The following CNTN4 variants were observed in gnomAD, a reference collection of about 807,000 sequenced individuals.
CNTN4 encodes the protein contactin-4.
In CNTN4, 77 loss-of-function variants were observed where a neutral mutation model predicts 122.5. The ratio of observed to expected loss-of-function variants is 0.63; its 90% CI spans 0.52 to 0.76. The LOEUF is 0.76. Among genes scored for constraint, CNTN4 ranks in the 30% least tolerant of loss-of-function variants. The pLI is 0.00. For missense variants in CNTN4, 1,256 were observed against 1,259.1 expected (o/e 1.00, Z 0.04); for synonymous variants, 512 against 447.0 (o/e 1.15, Z -1.83).
intron 4 of CNTN4, among the ~76,000 whole-genome samples, chr3:2,684,881 G>C (rs913707527): frequency 1.3e-5 from 2 of 152,274 alleles, no homozygotes; most frequent in East Asian, 3.9e-4. Flanking sequence ...AGAAGATTTA[G>C]GGGGAGACAA....
At chr3:2,397,803 G>T (rs2046694837) in intron 3 of CNTN4, among the ~76,000 whole-genome samples, 1 of 152,148 alleles carries the variant, frequency 6.6e-6, no homozygotes, top group Non-Finnish European at 1.5e-5. Context: ...CTAAATCTCT[G>T]CAAACTTTCA....
At chr3:3,055,018 C>G (rs1701657176) in intron 24 of CNTN4, among the ~76,000 whole-genome samples, 1 of 152,156 alleles carries the variant, frequency 6.6e-6, no homozygotes, top group Non-Finnish European at 1.5e-5. Context: ...ATCCTCACCA[C>G]CATCCTGACT....
At chr3:2,143,611 T>G (rs1187448782) in intron 2 of CNTN4, among the ~76,000 whole-genome samples, 1 of 152,236 alleles carries the variant, frequency 6.6e-6, no homozygotes, top group African/African-American at 2.4e-5. Flanking sequence ...TTCTACTAAT[T>G]TATCAATGAT....
intron 2 of CNTN4, among the ~76,000 whole-genome samples, chr3:2,281,087 A>G (rs1022255065): frequency 2.0e-5 from 3 of 152,218 alleles, no homozygotes; most frequent in Non-Finnish European, 4.4e-5. Flanking sequence ...GCAAAGTTAC[A>G]CAAGTCATCC....
chr3:2,612,107 TAC>T (rs58025362), intron 4 of CNTN4, among the ~76,000 whole-genome samples: 41,138 of 149,834 alleles, frequency 0.27, 6,254 homozygotes, highest in East Asian at 0.74. Flanking sequence ...ATACATATAA[TAC>T]ACACACACAC....
At chr3:2,636,621 A>C (rs750557112) in intron 4 of CNTN4, among the ~76,000 whole-genome samples, 4 of 152,184 alleles carry the variant, frequency 2.6e-5, no homozygotes, top group Non-Finnish European at 4.4e-5. Flanking sequence ...TTACTTTATA[A>C]CTGTATCCCC....
intron 3 of CNTN4, among the ~76,000 whole-genome samples, chr3:2,429,584 G>A (rs1361328503): frequency 6.6e-6 from 1 of 152,186 alleles, no homozygotes; most frequent in Non-Finnish European, 1.5e-5. Flanking sequence ...CTCCGTGCTG[G>A]GAGAACCACT....
At chr3:2,435,021 T>C (rs1385524905) in intron 3 of CNTN4, among the ~76,000 whole-genome samples, 5 of 152,182 alleles carry the variant, frequency 3.3e-5, no homozygotes, top group Non-Finnish European at 7.4e-5. Flanking sequence ...CCATGAAATC[T>C]ATTTCTGTGT....
intron 3 of CNTN4, among the ~76,000 whole-genome samples, chr3:2,432,835 G>T (rs1414897954): frequency 2.9e-5 from 4 of 138,624 alleles, no homozygotes; most frequent in Non-Finnish European, 6.1e-5. Flanking sequence ...TTTTGATACG[G>T]TCTCACTCTG....
intron 2 of CNTN4, among the ~76,000 whole-genome samples, chr3:2,114,462 AAAAT>A (rs1360251090): frequency 1.3e-5 from 2 of 152,124 alleles, no homozygotes; most frequent in African/African-American, 2.4e-5. Flanking sequence ...CTTGTCTCAA[AAAAT>A]AAATAAATAA....
At chr3:2,858,335 C>T (rs1343715108) in intron 7 of CNTN4, among the ~76,000 whole-genome samples, 2 of 152,164 alleles carry the variant, frequency 1.3e-5, no homozygotes, top group African/African-American at 4.8e-5. Context: ...GATGCTTACT[C>T]AAATTTGAGA....
chr3:2,529,804 G>A (rs945275212), intron 3 of CNTN4, among the ~76,000 whole-genome samples: 1 of 152,050 alleles, frequency 6.6e-6, no homozygotes, highest in African/African-American at 2.4e-5. Context: ...AGAAGGAAGA[G>A]GAGGATTATA....
chr3:2,467,071 A>G (rs2075527830), intron 3 of CNTN4, among the ~76,000 whole-genome samples: 1 of 150,232 alleles, frequency 6.7e-6, no homozygotes, highest in Non-Finnish European at 1.5e-5. Flanking sequence ...GCCTTATTTA[A>G]AAAAAGTCTT....
intron 2 of CNTN4, among the ~76,000 whole-genome samples, chr3:2,200,331 T>A (rs1361577984): frequency 6.6e-6 from 1 of 152,178 alleles, no homozygotes; most frequent in Non-Finnish European, 1.5e-5. Flanking sequence ...ACTTAAATAT[T>A]TCTAGTAACA....
chr3:2,289,127 C>T (rs1331294209), intron 2 of CNTN4, among the ~76,000 whole-genome samples: 1 of 152,158 alleles, frequency 6.6e-6, no homozygotes, highest in African/African-American at 2.4e-5. Flanking sequence ...TAGTTTTAAA[C>T]AGCTTCCCAA....
At position 2,946,988 on chromosome 3, in the gene CNTN4, G is replaced by A. The variant is rs144365121; in HGVS notation, c.1358+21209G>A. 6.2e-3 allele frequency among the ~76,000 whole-genome samples: 948 copies of A among 152,146 alleles called. 7 individuals carry two copies. Among genetic ancestry groups the A allele is most frequent in the African/African-American group, 0.022 (914 of 41,506 alleles). On this transcript the variant is annotated intron_variant, in intron 13 of 24. Transcript: ENST00000418658. Reference sequence around the variant, plus strand: ...CCCAAAGTGCTGGGATTACAGGTATGAGCCACTGCCCCTGGCCAGCCTGCA... The same window carrying A: ...CCCAAAGTGCTGGGATTACAGGTATAAGCCACTGCCCCTGGCCAGCCTGCA...
intron 3 of CNTN4, among the ~76,000 whole-genome samples, chr3:2,423,965 G>T (rs2047713789): frequency 7.6e-6 from 1 of 131,790 alleles, no homozygotes; most frequent in African/African-American, 2.8e-5. Flanking sequence ...TTTTGATTAG[G>T]CAACATACCT....
At chr3:2,754,105 A>G (rs1294808991) in intron 6 of CNTN4, among the ~76,000 whole-genome samples, 1 of 152,184 alleles carries the variant, frequency 6.6e-6, no homozygotes, top group Non-Finnish European at 1.5e-5. Flanking sequence ...TTACTCCCAT[A>G]TCATTTCTCC....
chr3:3,038,908 A>C, intron 18 of CNTN4, 25 bp from the exon 19 acceptor site: 1 of 1,611,476 alleles, frequency 6.2e-7, no homozygotes, highest in Non-Finnish European at 8.5e-7. Flanking sequence ...GCCTGACATA[A>C]CTTGTTTTTT....
Sources: allele counts gnomAD v4.1 joint callset (sites outside exome capture counted in the v4.1 genomes callset), GRCh38; gene constraint gnomAD v4.1.1; transcripts MANE v1.5; gene names NCBI Gene and HGNC (gene_info 2026-07-23, HGNC 2026-07-21).